MYO1E: variants seen among roughly 807,000 people sequenced by gnomAD.
The protein encoded by MYO1E is unconventional myosin-Ie.
Under a neutral mutation model 151.1 loss-of-function variants are expected in MYO1E, and 68 were observed. The observed-to-expected ratio is 0.45, with a 90% CI of 0.37 to 0.55. The LOEUF (loss-of-function observed/expected upper bound fraction) is 0.55. MYO1E is among the 20% of genes least tolerant of loss of function. The pLI is 0.00. For synonymous variants in MYO1E, 601 were observed against 501.7 expected (o/e 1.20, Z -2.64); for missense variants, 1,363 against 1,389.3 (o/e 0.98, Z 0.30).
At chr15:59,173,648 A>G in intron 21 of MYO1E, 98 bp downstream of exon 21, 9 of 1,477,944 alleles carry the variant, frequency 6.1e-6, no homozygotes, top group South Asian at 3.4e-5. Context: ...TCTACAACGA[A>G]CACATTCTGA....
chr15:59,304,568 C>G (rs750438030), intron 1 of MYO1E, among the ~76,000 whole-genome samples: 12 of 152,126 alleles, frequency 7.9e-5, no homozygotes, highest in Non-Finnish European at 1.3e-4. Flanking sequence ...GTCATCTTTG[C>G]CTTCTTTTTC....
At chr15:59,372,388 A>G in intron 1 of MYO1E, 110 bp downstream of exon 1, 3 of 1,358,314 alleles carry the variant, frequency 2.2e-6, no homozygotes, top group South Asian at 1.3e-5. Context: ...TCCCGCGTCC[A>G]CCTTCTCCAC....
At position 59,185,594 on chromosome 15, in the gene MYO1E, G is replaced by A. The variant is rs533001186; in HGVS notation, c.1904+2524C>T. On this transcript the variant is annotated intron_variant, in intron 18 of 27. Coordinates refer to ENST00000288235, the MANE Select transcript of MYO1E (RefSeq NM_004998.4). ...TCTTAATTAAAAAAGGGTATTTTGG[G>A]GTCGGGCATGGTAGCTGATGCCTGT... Among the ~76,000 whole-genome samples, 14 of 152,290 alleles carry A rather than the reference G, an allele frequency of 9.2e-5. No homozygotes were observed. The South Asian group carries it at 2.9e-3, about 32-fold the overall frequency.
chr15:59,212,329 C>T (rs1200810268), intron 12 of MYO1E, among the ~76,000 whole-genome samples: 1 of 151,990 alleles, frequency 6.6e-6, no homozygotes, highest in Non-Finnish European at 1.5e-5. Context: ...CTTAGAGTAG[C>T]TACAGCAAAA....
chr15:59,268,718 G>GTTTTTTTTTTTT (rs1452818863), intron 2 of MYO1E, among the ~76,000 whole-genome samples: 25 of 12,030 alleles, frequency 2.1e-3, no homozygotes, highest in African/African-American at 3.1e-3. Flanking sequence ...GGTGACTTTG[G>GTTTTTTTTTTTT]TATTTTTTTT....
At chr15:59,273,882 G>C (rs1279963163) in intron 1 of MYO1E, among the ~76,000 whole-genome samples, 1 of 152,068 alleles carries the variant, frequency 6.6e-6, no homozygotes, top group Non-Finnish European at 1.5e-5. Context: ...CACTGCTCGG[G>C]GGACTTCGAA....
chr15:59,238,660 C>A (rs757414602), intron 4 of MYO1E, among the ~76,000 whole-genome samples: 4 of 152,100 alleles, frequency 2.6e-5, no homozygotes, highest in Non-Finnish European at 4.4e-5. Flanking sequence ...CAATCTCTAC[C>A]TCCTAGGTTC....
chr15:59,141,749 G>C (rs7173787), intron 26 of MYO1E, among the ~76,000 whole-genome samples: 5,342 of 137,480 alleles, frequency 0.039, 165 homozygotes, highest in African/African-American at 0.089. Flanking sequence ...AGTGAGTCGA[G>C]ATTGAGCCAC....
chr15:59,352,030 G>T (rs1427829037), intron 1 of MYO1E, among the ~76,000 whole-genome samples: 2 of 152,118 alleles, frequency 1.3e-5, no homozygotes, highest in African/African-American at 4.8e-5. Context: ...TAGTTCAGAG[G>T]GATCAGTAAT....
intron 1 of MYO1E, among the ~76,000 whole-genome samples, chr15:59,333,612 C>G (rs1467223464): frequency 6.6e-6 from 1 of 152,200 alleles, no homozygotes; most frequent in Non-Finnish European, 1.5e-5. Context: ...CACAACCCTA[C>G]CACACAACAC....
At chr15:59,194,945 C>T (rs753521426) in intron 17 of MYO1E, among the ~76,000 whole-genome samples, 5 of 152,200 alleles carry the variant, frequency 3.3e-5, no homozygotes, top group Non-Finnish European at 7.3e-5. Flanking sequence ...CTCCCAGAGT[C>T]GTTCTTCTCA....
chr15:59,166,671 C>T (rs985389706), intron 22 of MYO1E, among the ~76,000 whole-genome samples: 4 of 151,792 alleles, frequency 2.6e-5, no homozygotes, highest in Non-Finnish European at 5.9e-5. Context: ...CTGGAAGATA[C>T]GGAGGCGAAT....
chr15:59,140,960 T>C (rs973312273), intron 26 of MYO1E, among the ~76,000 whole-genome samples: 32 of 152,232 alleles, frequency 2.1e-4, no homozygotes, highest in African/African-American at 6.5e-4. Flanking sequence ...ATTCGTTTTC[T>C]ACCTAGTGCC....
chr15:59,323,749 C>T (rs1204543548), intron 1 of MYO1E, among the ~76,000 whole-genome samples: 1 of 151,986 alleles, frequency 6.6e-6, no homozygotes, highest in Non-Finnish European at 1.5e-5. Context: ...CTACAGGGCC[C>T]CAGCACACTG....
Position 59,147,650 on chromosome 15 carries a change from C to T in MYO1E, c.3080+5940G>A, listed in dbSNP as rs144258394. The stretch of plus-strand genomic sequence containing the variant: ...AAAAAGAAAGGAAGAGACTGTGGAA[C>T]GGTGCAGAGCCAGAAGGAGTTTGTG... On this transcript the variant is annotated intron_variant, in intron 26 of 27. Transcript: ENST00000288235. 7.0e-4 allele frequency among the ~76,000 whole-genome samples: 104 copies of T among 148,014 alleles called. No individual in the cohort carries two copies. In the East Asian group the frequency reaches 0.018, roughly 25 times the overall value.
intron 1 of MYO1E, among the ~76,000 whole-genome samples, chr15:59,314,911 G>A (rs1445340813): frequency 6.6e-6 from 1 of 152,126 alleles, no homozygotes; most frequent in Non-Finnish European, 1.5e-5. Context: ...ACCACAGGCG[G>A]GGTGGCAGGA....
At chr15:59,334,943 CA>C (rs2140425224) in intron 1 of MYO1E, among the ~76,000 whole-genome samples, 1 of 152,296 alleles carries the variant, frequency 6.6e-6, no homozygotes, top group East Asian at 1.9e-4. Flanking sequence ...AGAGAATTGC[CA>C]AGCAGACAAA....
chr15:59,142,598 C>A (rs2079416914), intron 26 of MYO1E, among the ~76,000 whole-genome samples: 1 of 152,154 alleles, frequency 6.6e-6, no homozygotes, highest in Non-Finnish European at 1.5e-5. Context: ...CCATCCTCAA[C>A]CTGAAAATCT....
In MYO1E at chr15:59,138,378, A is replaced by G; in HGVS notation, c.3081-11T>C. On this transcript the variant is annotated splice_polypyrimidine_tract_variant and intron_variant, in intron 26 of 27. Coordinates refer to ENST00000288235, the MANE Select transcript of MYO1E (RefSeq NM_004998.4). Reference sequence around the variant, plus strand: ...GTTTGTCTCCTGACCCTGTGGAGAGAGTGGAGCAGATGAGACTGGGCCCCA... The same window carrying G: ...GTTTGTCTCCTGACCCTGTGGAGAGGGTGGAGCAGATGAGACTGGGCCCCA... 2 of 1,613,658 alleles carry G rather than the reference A, an allele frequency of 1.2e-6. No homozygotes were observed. The highest frequency in any genetic ancestry group is 1.1e-5 in the South Asian group (1 of 91,066).
Sources: allele counts gnomAD v4.1 joint callset (sites outside exome capture counted in the v4.1 genomes callset), GRCh38; gene constraint gnomAD v4.1.1; transcripts MANE v1.5; gene names NCBI Gene and HGNC (gene_info 2026-07-23, HGNC 2026-07-21).